Variants in DNAI3 observed in about 807,000 individuals in gnomAD.
DNAI3 encodes WD repeat domain 63.
In DNAI3, 83 loss-of-function variants were observed where a neutral mutation model predicts 115.5. That is an observed-to-expected ratio of 0.72 (90% confidence interval 0.60 to 0.86). The LOEUF (loss-of-function observed/expected upper bound fraction) is 0.86. Among genes scored for constraint, DNAI3 ranks in the 40% least tolerant of loss-of-function variants. DNAI3 has a pLI of 0.00. For synonymous variants in DNAI3, 320 were observed against 347.0 expected, an observed-to-expected ratio of 0.92 and a Z score of 0.86; for missense variants, 1,004 against 1,075.8, an observed-to-expected ratio of 0.93 and a Z score of 0.93.
chr1:85,067,957 G>C (rs1202609543), intron 1 of DNAI3, among the ~76,000 whole-genome samples: 1 of 152,208 alleles, frequency 6.6e-6, no homozygotes, highest in African/African-American at 2.4e-5. Context: ...GATTTGTGTA[G>C]TTTTAAGTCA....
At chr1:85,109,276 A>G (rs532190899) in intron 15 of DNAI3, among the ~76,000 whole-genome samples, 219 of 152,354 alleles carry the variant, frequency 1.4e-3, no homozygotes, top group Non-Finnish European at 1.4e-3. Context: ...GTTTAACTTA[A>G]TACTTTTCTT....
chr1:85,094,085 G>A (rs1571174544), intron 9 of DNAI3: 1 of 402,636 alleles, frequency 2.5e-6, no homozygotes, highest in East Asian at 5.8e-5. Flanking sequence ...TGGAAACATG[G>A]AAAGAGAGAG....
intron 6 of DNAI3, 23 bp downstream of exon 6, chr1:85,084,718 G>A (rs749357875): frequency 2.1e-6 from 3 of 1,434,392 alleles, no homozygotes; most frequent in South Asian, 1.7e-5. Flanking sequence ...TATATGATCT[G>A]TAATCATTAC....
chr1:85,125,909 C>G (rs1048282691), intron 19 of DNAI3, among the ~76,000 whole-genome samples: 3 of 152,136 alleles, frequency 2.0e-5, no homozygotes, highest in African/African-American at 7.2e-5. Flanking sequence ...CAGACTACCC[C>G]ATGGTAGAGA....
At chr1:85,101,134 T>TAA (rs11383869) in intron 13 of DNAI3, among the ~76,000 whole-genome samples, 32 of 150,248 alleles carry the variant, frequency 2.1e-4, no homozygotes, top group South Asian at 1.9e-3. Context: ...ATAATAAAAT[T>TAA]AAAAAAAAAG....
chr1:85,098,735 G>C, intron 13 of DNAI3, 77 bp downstream of exon 13: 1 of 1,567,126 alleles, frequency 6.4e-7, no homozygotes, highest in Non-Finnish European at 8.6e-7. Flanking sequence ...GATGTTTCAA[G>C]TCAACAATTC....
At chr1:85,102,268 C>A (rs989252939) in intron 13 of DNAI3, among the ~76,000 whole-genome samples, 1 of 151,884 alleles carries the variant, frequency 6.6e-6, no homozygotes, top group Non-Finnish European at 1.5e-5. Flanking sequence ...AGCCCAAATA[C>A]CCTGATTTCA....
rs1654661255 is a variant in DNAI3 at position 85,082,418 on chromosome 1, A to G, written c.390+14A>G. 1 of 1,588,278 alleles carries G rather than the reference A, an allele frequency of 6.3e-7. No individual in the cohort carries two copies. Among genetic ancestry groups the G allele is most frequent in the Admixed American group, 1.7e-5 (1 of 59,528 alleles). On this transcript the variant is annotated intron_variant, in intron 5 of 22. Coordinates refer to ENST00000294664, the MANE Select transcript of DNAI3 (RefSeq NM_145172.5). The stretch of plus-strand genomic sequence containing the variant: ...AACTATTTAAATGTGAGCAAACCCC[A>G]AGCCCTTGTAATTTGTTTGTTTTTG...
chr1:85,106,896 C>T (rs1182367644), intron 14 of DNAI3, among the ~76,000 whole-genome samples: 1 of 152,148 alleles, frequency 6.6e-6, no homozygotes, highest in East Asian at 1.9e-4. Flanking sequence ...GAATAATGAC[C>T]TAAATGTAAG....
At chr1:85,092,183 T>C (rs1327990248) in intron 8 of DNAI3, among the ~76,000 whole-genome samples, 1 of 152,138 alleles carries the variant, frequency 6.6e-6, no homozygotes, top group Non-Finnish European at 1.5e-5. Flanking sequence ...GTCATGTTGG[T>C]GGTCACTGGA....
chr1:85,103,921 TAA>T (rs1486853708), intron 13 of DNAI3, among the ~76,000 whole-genome samples: 3 of 147,298 alleles, frequency 2.0e-5, no homozygotes, highest in Admixed American at 6.8e-5. Context: ...ATAATAATAA[TAA>T]TAATAATAAT....
chr1:85,072,434 G>T (rs1025856017), intron 2 of DNAI3, among the ~76,000 whole-genome samples: 2 of 151,898 alleles, frequency 1.3e-5, no homozygotes, highest in African/African-American at 2.4e-5. Context: ...ACGAGGTCAG[G>T]AGTTCGAGAC....
intron 18 of DNAI3, among the ~76,000 whole-genome samples, chr1:85,122,468 G>A (rs531766324): frequency 6.6e-6 from 1 of 152,278 alleles, no homozygotes; most frequent in African/African-American, 2.4e-5. Context: ...CAGAGCCTTG[G>A]GGTTCACTAC....
intron 16 of DNAI3, among the ~76,000 whole-genome samples, chr1:85,111,516 G>A (rs1473169462): frequency 6.6e-6 from 1 of 152,136 alleles, no homozygotes; most frequent in African/African-American, 2.4e-5. Context: ...TAGGCCCCAG[G>A]GGTACGATGG....
At chr1:85,063,411 G>A (rs1428500179) in intron 1 of DNAI3, among the ~76,000 whole-genome samples, 3 of 152,228 alleles carry the variant, frequency 2.0e-5, no homozygotes, top group South Asian at 2.1e-4. Context: ...AATGGAAACC[G>A]TGTGAGGCTG....
intron 9 of DNAI3, 65 bp downstream of exon 9, chr1:85,093,713 G>A: frequency 1.3e-6 from 2 of 1,594,974 alleles, no homozygotes; most frequent in South Asian, 2.2e-5. Context: ...GCTTTCATAT[G>A]TAAAATTGCA....
chr1:85,101,719 C>T (rs1311339324), intron 13 of DNAI3, among the ~76,000 whole-genome samples: 2 of 86,434 alleles, frequency 2.3e-5, no homozygotes, highest in Non-Finnish European at 4.1e-5. Flanking sequence ...CAGAGCGAGA[C>T]TCCATCTCAA....
intron 18 of DNAI3, 109 bp downstream of exon 18, chr1:85,121,923 A>G (rs1656004984): frequency 3.6e-6 from 4 of 1,125,862 alleles, no homozygotes; most frequent in Non-Finnish European, 5.3e-6. Flanking sequence ...ATGGGAGGGA[A>G]GGCTCCTAAG....
intron 20 of DNAI3, among the ~76,000 whole-genome samples, chr1:85,127,303 A>C (rs981271184): frequency 1.3e-5 from 2 of 152,328 alleles, no homozygotes; most frequent in East Asian, 3.9e-4. Flanking sequence ...AACAAGCATA[A>C]ATTCAATGAT....
Sources: allele counts gnomAD v4.1 joint callset (sites outside exome capture counted in the v4.1 genomes callset), GRCh38; gene constraint gnomAD v4.1.1; transcripts MANE v1.5; gene names NCBI Gene and HGNC (gene_info 2026-07-23, HGNC 2026-07-21).